The following HEATR5B variants were observed in gnomAD, a reference collection of about 807,000 sequenced individuals.
The protein encoded by HEATR5B is HEAT repeat containing 5B.
In HEATR5B, 156 loss-of-function variants were observed where a neutral mutation model predicts 224.1. The observed-to-expected ratio is 0.70, with a 90% CI of 0.61 to 0.80. The LOEUF (loss-of-function observed/expected upper bound fraction) is 0.80, where lower values mean the gene tolerates loss of function less well. HEATR5B is among the 30% of genes least tolerant of loss of function. The probability of loss-of-function intolerance (pLI) is 0.00; values close to 1 mark genes in which losing one functional copy is unlikely to be tolerated. For missense variants in HEATR5B, 2,323 were observed against 2,535.5 expected (o/e 0.92, Z 1.80); for synonymous variants, 1,027 against 893.0 (o/e 1.15, Z -2.68).
intron 9 of HEATR5B, 84 bp downstream of exon 9, chr2:37,065,671 G>C: frequency 8.7e-7 from 1 of 1,147,382 alleles, no homozygotes; most frequent in Non-Finnish European, 1.3e-6. Flanking sequence ...ATGATGATAA[G>C]CAACTAATCA....
At chr2:37,009,585 G>T (rs10208053) in intron 27 of HEATR5B, among the ~76,000 whole-genome samples, 8 of 145,558 alleles carry the variant, frequency 5.5e-5, no homozygotes, top group South Asian at 4.4e-4. Context: ...CTCAAAAAAA[G>T]AAAAAAAAAA....
intron 28 of HEATR5B, among the ~76,000 whole-genome samples, 188 bp from the exon 29 acceptor site, chr2:37,007,492 C>T (rs566981962): frequency 1.3e-4 from 19 of 151,978 alleles, no homozygotes; most frequent in Admixed American, 9.8e-4. Flanking sequence ...TACAGACATG[C>T]GCCGCAATGC....
At chr2:37,051,970 C>G (rs1278858129) in intron 17 of HEATR5B, among the ~76,000 whole-genome samples, 1 of 152,026 alleles carries the variant, frequency 6.6e-6, no homozygotes, top group Non-Finnish European at 1.5e-5. Context: ...AAACTCCTGA[C>G]CTCAGGTGAT....
Position 37,044,120 on chromosome 2 carries a change from A to T in HEATR5B, c.2697-2828T>A, listed in dbSNP as rs181357490. On this transcript the variant is annotated intron_variant, in intron 18 of 35. Coordinates refer to ENST00000233099, the MANE Select transcript of HEATR5B (RefSeq NM_019024.3). ...TTTTTGAACTAAGTCTTCAAAATCC[A>T]ATATGTATTACACACTCACAGCGTG... 2.8e-3 allele frequency among the ~76,000 whole-genome samples: 430 copies of T among 152,320 alleles called. 2 individuals carry two copies. The highest frequency in any genetic ancestry group is 6.8e-3 in the Middle Eastern group (2 of 294).
intron 18 of HEATR5B, among the ~76,000 whole-genome samples, chr2:37,043,194 T>C (rs1669984004): frequency 6.6e-6 from 1 of 152,168 alleles, no homozygotes; most frequent in South Asian, 2.1e-4. Context: ...ACAAGTGAGA[T>C]CAAGACCCTG....
chr2:37,058,617 A>T lies in HEATR5B; in HGVS notation c.1950-57T>A, dbSNP rs529883045. ...TTACCAGAATAAGTATTACTTATAA[A>T]TTTTTTTAGCAATGTATCAATGTAC... On this transcript the variant is annotated intron_variant, in intron 13 of 35. Transcript: ENST00000233099. 1.2e-3 allele frequency: 1,511 copies of T among 1,227,596 alleles called. 38 individuals carry two copies. The South Asian group carries it at 0.018, about 15-fold the overall frequency. The allele number at this position is 1,227,596 out of a possible 1,614,324, so 76.0% of individuals were successfully genotyped here.
intron 18 of HEATR5B, among the ~76,000 whole-genome samples, chr2:37,045,950 A>C (rs1670163551): frequency 6.6e-6 from 1 of 152,218 alleles, no homozygotes; most frequent in South Asian, 2.1e-4. Flanking sequence ...CACAAGGGTA[A>C]ATACAGTCCC....
intron 24 of HEATR5B, among the ~76,000 whole-genome samples, chr2:37,025,403 G>A (rs1468721724): frequency 1.3e-5 from 2 of 151,192 alleles, no homozygotes; most frequent in Non-Finnish European, 1.5e-5. Context: ...GGAAAAGAAC[G>A]ATTCTGAAGA....
rs145024083 is a variant in HEATR5B at position 37,058,920 on chromosome 2, G to A, written c.1917C>T (p.Thr639=). The change falls in exon 13 of 36, where the codon ACC becomes ACT. Residue 639 remains threonine (T), a synonymous_variant. Coordinates refer to ENST00000233099, the MANE Select transcript of HEATR5B (RefSeq NM_019024.3). The part of the protein sequence containing the change: ...LTEDVIRKLM[T]PIECAMTMMS... ...TCATAGTCATGGCACATTCAATAGG[G>A]GTCATCAATTTTCGAATCACATCTT... 8 of 1,609,728 alleles carry A rather than the reference G, an allele frequency of 5.0e-6. No individual in the cohort carries two copies. The Admixed American group carries it at 6.7e-5, about 13-fold the overall frequency.
rs1572773331 is a variant in HEATR5B at position 37,002,687 on chromosome 2, C to G, written c.5051-115G>C. The G allele has an allele frequency of 4.0e-6, 4 of 1,006,472 alleles. No individual in the cohort carries two copies. In the East Asian group the frequency reaches 1.0e-4, roughly 26 times the overall value. 62.3% of individuals were successfully genotyped at this position (1,006,472 alleles called of 1,614,324 possible). A position where few individuals can be genotyped will look rare whatever the true frequency, so the allele number is the denominator to read the frequency against. ...TTTATAAGCAAATGTCAAATAATGT[C>G]ACACGTCCTTCTCTGTATAATTCTC... is the stretch of plus-strand genomic sequence containing the variant. On this transcript the variant is annotated intron_variant, in intron 31 of 35. Transcript: ENST00000233099.
Position 37,000,723 on chromosome 2 carries a change from G to A in HEATR5B, c.5408C>T (p.Pro1803Leu). 3 of 1,614,036 alleles carry A rather than the reference G, an allele frequency of 1.9e-6. No individual in the cohort carries two copies. Among genetic ancestry groups the A allele is most frequent in the Non-Finnish European group, 2.5e-6 (3 of 1,179,938 alleles). Reference protein sequence around the residue: ...AIKSADNQVPPPVSAALQGIK... With the variant: ...AIKSADNQVPLPVSAALQGIK... ...CCCTTGAAGAGCTGCACTGACTGGT[G>A]GAGGAACCTGATTATCTGCAGACTT... Residue 1803 changes from proline to leucine, a missense_variant, in exon 33 of 36, where the codon CCA becomes CTA. Transcript: ENST00000233099.
intron 33 of HEATR5B, 42 bp from the exon 34 acceptor site, chr2:36,990,841 T>A: frequency 2.0e-6 from 3 of 1,489,432 alleles, no homozygotes; most frequent in Non-Finnish European, 2.7e-6. Flanking sequence ...TTCTAAAACA[T>A]TTTGGCATTT....
intron 21 of HEATR5B, 110 bp downstream of exon 21, chr2:37,037,745 C>T (rs540758229): frequency 1.6e-6 from 1 of 630,688 alleles, no homozygotes; most frequent in Non-Finnish European, 2.4e-6. Context: ...CATCAAAATA[C>T]CCCAAGTACC....
rs766636746 is a variant in HEATR5B, at chr2:37,028,184, G to C, written c.3602-10C>G. On this transcript the variant is annotated splice_polypyrimidine_tract_variant and intron_variant, in intron 23 of 35. Transcript: ENST00000233099. ...GTTGCAGTACTCATATCTATAACAA[G>C]AATAAGGAATATTGTAACAATCTCA... The C allele has an allele frequency of 5.7e-6, 9 of 1,568,486 alleles. No individual in the cohort carries two copies. Among genetic ancestry groups the C allele is most frequent in the Non-Finnish European group, 6.1e-6 (7 of 1,146,244 alleles).
chr2:37,054,480 ATTTTTTTTTTTTT>A (rs11433192), intron 16 of HEATR5B, among the ~76,000 whole-genome samples: 2 of 75,232 alleles, frequency 2.7e-5, no homozygotes, highest in Admixed American at 3.9e-4. Flanking sequence ...TGTGCTCTGC[ATTTTTTTTTTTTT>A]TTTTTTTTGA....
chr2:37,046,279 T>A (rs990570232), intron 18 of HEATR5B, among the ~76,000 whole-genome samples: 1 of 152,192 alleles, frequency 6.6e-6, no homozygotes, highest in African/African-American at 2.4e-5. Flanking sequence ...TTTGGTTGTA[T>A]TTTCAAAACT....
chr2:37,020,260 G>A (rs1668385631), intron 25 of HEATR5B, among the ~76,000 whole-genome samples: 1 of 152,156 alleles, frequency 6.6e-6, no homozygotes. Context: ...CATTATACAA[G>A]GGGCAACTGC....
At chr2:37,077,927 A>G (rs577476395) in intron 3 of HEATR5B, among the ~76,000 whole-genome samples, 1 of 152,238 alleles carries the variant, frequency 6.6e-6, no homozygotes, top group East Asian at 1.9e-4. Flanking sequence ...GAATAAAGTA[A>G]TAATAGCAAC....
intron 33 of HEATR5B, among the ~76,000 whole-genome samples, chr2:36,999,210 C>T (rs558178086): frequency 6.6e-5 from 10 of 151,984 alleles, no homozygotes; most frequent in African/African-American, 7.2e-5. Flanking sequence ...CAGAGCGAGA[C>T]GCCATCTCAA....
Sources: gnomAD v4.1 joint callset for allele counts (sites outside exome capture counted in the v4.1 genomes callset) on GRCh38, gnomAD v4.1.1 for gene constraint, MANE v1.5 for transcripts, NCBI Gene and HGNC (gene_info 2026-07-23, HGNC 2026-07-21) for gene names.